PLCB4: variants seen among roughly 807,000 people sequenced by gnomAD.
PLCB4 encodes phospholipase C beta 4, also known as 1-phosphatidylinositol 4,5-bisphosphate phosphodiesterase beta-4.
In PLCB4, 77 loss-of-function variants were observed where a neutral mutation model predicts 178.8. That is an observed-to-expected ratio of 0.43 (90% CI 0.36 to 0.52). The LOEUF is 0.52. Ranked by LOEUF, PLCB4 falls within the 20% of genes least tolerant of loss-of-function variation. The pLI is 0.00. For synonymous variants in PLCB4, 496 were observed against 490.8 expected, an observed-to-expected ratio of 1.01 and a Z score of -0.14; for missense variants, 1,024 against 1,453.4, an observed-to-expected ratio of 0.70 and a Z score of 4.80.
intron 3 of PLCB4, among the ~76,000 whole-genome samples, chr20:9,249,936 C>G (rs919528632): frequency 6.6e-6 from 1 of 151,672 alleles, no homozygotes; most frequent in African/African-American, 2.4e-5. Context: ...ATTCTGTATC[C>G]AAGGAATGCA....
At chr20:9,306,033 A>G (rs2094761550) in intron 3 of PLCB4, among the ~76,000 whole-genome samples, 1 of 152,180 alleles carries the variant, frequency 6.6e-6, no homozygotes, top group Non-Finnish European at 1.5e-5. Flanking sequence ...GGACTCAAAT[A>G]TTCAGGTTTC....
chr20:9,279,635 T>A (rs2094477158), intron 3 of PLCB4, among the ~76,000 whole-genome samples: 1 of 152,044 alleles, frequency 6.6e-6, no homozygotes, highest in Admixed American at 6.6e-5. Flanking sequence ...AAAGAGTTCA[T>A]CATCATTTTA....
rs569081100 is a variant in PLCB4 at position 9,244,583 on chromosome 20, A to G, written c.-16+27131A>G. 4.3e-4 allele frequency among the ~76,000 whole-genome samples: 66 copies of G among 152,338 alleles called. No homozygotes were observed. The South Asian group carries it at 6.8e-3, about 16-fold the overall frequency. On this transcript the variant is annotated intron_variant, in intron 3 of 39. Coordinates refer to ENST00000378473, the MANE Select transcript of PLCB4 (RefSeq NM_001377142.1). Reference sequence around the variant, plus strand: ...TGTCTACGTGTGATTGAAGTGTCAAATGATAAATCCCAATCCCCTGTTAGA... The same window carrying G: ...TGTCTACGTGTGATTGAAGTGTCAAGTGATAAATCCCAATCCCCTGTTAGA...
intron 17 of PLCB4, among the ~76,000 whole-genome samples, chr20:9,391,004 A>T (rs1424648669): frequency 6.6e-6 from 1 of 152,160 alleles, no homozygotes. Flanking sequence ...AGCCCTGAGC[A>T]TGGTGTTTTA....
chr20:9,297,177 T>C (rs527272297), intron 3 of PLCB4, among the ~76,000 whole-genome samples: 175 of 152,142 alleles, frequency 1.2e-3, no homozygotes, highest in African/African-American at 4.0e-3. Context: ...ACACCATATA[T>C]ATATTTTTTT....
chr20:9,237,538 A>G (rs544074925), intron 3 of PLCB4, among the ~76,000 whole-genome samples: 121 of 152,314 alleles, frequency 7.9e-4, no homozygotes, highest in Admixed American at 1.8e-3. Context: ...CACCTGATCT[A>G]CTGCCTCCGA....
At chr20:9,276,461 TC>T (rs2094451396) in intron 3 of PLCB4, among the ~76,000 whole-genome samples, 1 of 152,064 alleles carries the variant, frequency 6.6e-6, no homozygotes, top group South Asian at 2.1e-4. Context: ...TACTGAGTTT[TC>T]AGGAAATAGT....
intron 28 of PLCB4, among the ~76,000 whole-genome samples, chr20:9,427,444 T>G (rs1315893010): frequency 2.6e-5 from 4 of 152,110 alleles, no homozygotes; most frequent in Non-Finnish European, 5.9e-5. Flanking sequence ...TTTTCAATAT[T>G]ATTTTGCTAC....
intron 12 of PLCB4, among the ~76,000 whole-genome samples, chr20:9,373,481 G>A (rs565970033): frequency 3.2e-4 from 49 of 152,312 alleles, no homozygotes; most frequent in African/African-American, 1.1e-3. Context: ...TTACTACACT[G>A]TAGTTGGATT....
At chr20:9,237,373 A>C (rs1157946076) in intron 3 of PLCB4, among the ~76,000 whole-genome samples, 1 of 152,170 alleles carries the variant, frequency 6.6e-6, no homozygotes, top group Non-Finnish European at 1.5e-5. Flanking sequence ...ATTGGAGGAA[A>C]GGTGGGTGAT....
intron 28 of PLCB4, among the ~76,000 whole-genome samples, chr20:9,432,282 G>A (rs138271818): frequency 7.2e-5 from 11 of 152,162 alleles, no homozygotes; most frequent in African/African-American, 2.7e-4. Flanking sequence ...TTAATGTCTT[G>A]CTTTATTGAT....
chr20:9,120,804 T>C (rs2091939817), intron 2 of PLCB4, among the ~76,000 whole-genome samples: 1 of 152,198 alleles, frequency 6.6e-6, no homozygotes, highest in Non-Finnish European at 1.5e-5. Context: ...TCCTCCATGC[T>C]ATGAGGTCTC....
At chr20:9,079,541 A>G (rs1166202262) in intron 1 of PLCB4, among the ~76,000 whole-genome samples, 11 of 152,136 alleles carry the variant, frequency 7.2e-5, no homozygotes, top group Non-Finnish European at 1.5e-5. Flanking sequence ...CCGAACCCAG[A>G]CAGAAGCCAG....
At chr20:9,350,257 A>G (rs1040872177) in intron 7 of PLCB4, among the ~76,000 whole-genome samples, 3 of 152,210 alleles carry the variant, frequency 2.0e-5, no homozygotes, top group Non-Finnish European at 4.4e-5. Flanking sequence ...GCTGGTCTCT[A>G]ATAATAATAC....
chr20:9,313,602 C>T (rs188604377), intron 4 of PLCB4, among the ~76,000 whole-genome samples: 85 of 152,314 alleles, frequency 5.6e-4, no homozygotes, highest in African/African-American at 2.0e-3. Context: ...TCTGCATATT[C>T]CTGGTGGATA....
At chr20:9,149,768 A>G (rs1466351026) in intron 2 of PLCB4, among the ~76,000 whole-genome samples, 1 of 152,210 alleles carries the variant, frequency 6.6e-6, no homozygotes, top group East Asian at 1.9e-4. Context: ...AGTTGTCTCA[A>G]TATGAGTTTC....
At chr20:9,244,168 A>G (rs977148654) in intron 3 of PLCB4, among the ~76,000 whole-genome samples, 7 of 152,138 alleles carry the variant, frequency 4.6e-5, no homozygotes, top group Non-Finnish European at 2.9e-5. Flanking sequence ...CATCCTAATC[A>G]TGAATCATTT....
At chr20:9,392,919 T>C (rs986517435) in intron 17 of PLCB4, among the ~76,000 whole-genome samples, 30 of 150,462 alleles carry the variant, frequency 2.0e-4, no homozygotes, top group Admixed American at 1.9e-3. Flanking sequence ...GGTGGGCATA[T>C]AGAGAGATGG....
intron 8 of PLCB4, 48 bp downstream of exon 8, chr20:9,363,023 A>G (rs781609768): frequency 7.6e-7 from 1 of 1,313,950 alleles, no homozygotes; most frequent in South Asian, 1.2e-5. Context: ...TATCAAACAA[A>G]TGGTCAGATG....
Sources: allele counts gnomAD v4.1 joint callset (sites outside exome capture counted in the v4.1 genomes callset), GRCh38; gene constraint gnomAD v4.1.1; transcripts MANE v1.5; gene names NCBI Gene and HGNC (gene_info 2026-07-23, HGNC 2026-07-21).